KIF16B: variants seen among roughly 807,000 people sequenced by gnomAD.
KIF16B encodes kinesin family member 16B.
A neutral mutation model predicts 156.3 loss-of-function variants in KIF16B; 98 were observed. That is an observed-to-expected ratio of 0.63 (90% CI 0.53 to 0.74). The LOEUF is 0.74. Ranked by LOEUF, KIF16B falls within the 30% of genes least tolerant of loss-of-function variation. The probability of loss-of-function intolerance (pLI) is 0.00; values close to 1 mark genes in which losing one functional copy is unlikely to be tolerated. For synonymous variants in KIF16B, 564 were observed against 583.7 expected, an observed-to-expected ratio of 0.97 and a Z score of 0.49; for missense variants, 1,421 against 1,606.5, an observed-to-expected ratio of 0.88 and a Z score of 1.97.
At chr20:16,315,469 G>A (rs1007970301) in intron 24 of KIF16B, among the ~76,000 whole-genome samples, 6 of 152,214 alleles carry the variant, frequency 3.9e-5, no homozygotes, top group Non-Finnish European at 8.8e-5. Context: ...AGCGTCTGCA[G>A]TGCATGAAAG....
intron 12 of KIF16B, among the ~76,000 whole-genome samples, chr20:16,432,280 T>A (rs1404225020): frequency 6.6e-6 from 1 of 152,070 alleles, no homozygotes; most frequent in East Asian, 1.9e-4. Flanking sequence ...GAGCATGACA[T>A]TGTGCTCCAT....
intron 17 of KIF16B, among the ~76,000 whole-genome samples, chr20:16,396,635 T>C (rs2065509471): frequency 6.7e-6 from 1 of 148,792 alleles, no homozygotes. Flanking sequence ...TGGTAACATG[T>C]TAACTGTAGT....
chr20:16,361,212 G>C (rs980878126), intron 22 of KIF16B, among the ~76,000 whole-genome samples: 2 of 152,004 alleles, frequency 1.3e-5, no homozygotes, highest in African/African-American at 4.8e-5. Flanking sequence ...GTTCTAATTA[G>C]AGCTATTATG....
chr20:16,297,044 T>C (rs1019084932), intron 25 of KIF16B, among the ~76,000 whole-genome samples: 2 of 152,264 alleles, frequency 1.3e-5, no homozygotes, highest in Non-Finnish European at 2.9e-5. Context: ...CCATCAGTTC[T>C]TCTTGGGACT....
intron 15 of KIF16B, among the ~76,000 whole-genome samples, chr20:16,409,229 T>G (rs760838724): frequency 4.6e-5 from 7 of 151,978 alleles, no homozygotes; most frequent in Non-Finnish European, 5.9e-5. Context: ...GGAGAGTGTC[T>G]TGCATAAAAG....
intron 12 of KIF16B, among the ~76,000 whole-genome samples, chr20:16,435,794 A>ATTC (rs1293039921): frequency 1.3e-5 from 2 of 152,110 alleles, no homozygotes; most frequent in Non-Finnish European, 2.9e-5. Context: ...AGTGGGGTCT[A>ATTC]TTCTTTTCCT....
chr20:16,347,256 A>T (rs1420772521), intron 23 of KIF16B, among the ~76,000 whole-genome samples: 1 of 152,242 alleles, frequency 6.6e-6, no homozygotes, highest in African/African-American at 2.4e-5. Context: ...GCAAAAGGGA[A>T]AGTTCAAACG....
At chr20:16,319,386 A>G (rs866140102) in intron 24 of KIF16B, among the ~76,000 whole-genome samples, 6 of 152,208 alleles carry the variant, frequency 3.9e-5, no homozygotes, top group Non-Finnish European at 7.3e-5. Context: ...GTATTCTAAA[A>G]TAGGACTTCT....
intron 12 of KIF16B, among the ~76,000 whole-genome samples, chr20:16,440,533 GCACACACACACACACACACACACACACA>G (rs71192333): frequency 0.13 from 18,141 of 138,310 alleles, 1,233 homozygotes; most frequent in Non-Finnish European, 0.17. Flanking sequence ...ACAAGCGCGC[GCACACACACACACACACACACACACACA>G]CACACACACA....
In KIF16B at chr20:16,465,774, A is replaced by G. The variant is rs73898771; in HGVS notation, c.1302+28517T>C. ...TCTATCTCTCCTCTCACTTAAAAAA[A>G]AAAAAATTATATGTGGAATTCTTAG... is the stretch of plus-strand genomic sequence containing the variant. On this transcript the variant is annotated intron_variant, in intron 12 of 25. Coordinates refer to ENST00000354981, the MANE Select transcript of KIF16B (RefSeq NM_024704.5). Among the ~76,000 whole-genome samples, 1,288 of 152,268 alleles carry G rather than the reference A, an allele frequency of 8.5e-3. 9 individuals carry two copies. Among genetic ancestry groups the G allele is most frequent in the East Asian group, 0.023 (118 of 5,180 alleles).
chr20:16,513,607 C>G (rs1036675097), intron 4 of KIF16B, among the ~76,000 whole-genome samples: 1 of 147,502 alleles, frequency 6.8e-6, no homozygotes, highest in Non-Finnish European at 1.5e-5. Context: ...TTGCAGTGAG[C>G]CAAGATTGCG....
intron 22 of KIF16B, among the ~76,000 whole-genome samples, chr20:16,365,090 T>C (rs1039348250): frequency 6.6e-6 from 1 of 152,256 alleles, no homozygotes; most frequent in Non-Finnish European, 1.5e-5. Context: ...CCCTTCATAA[T>C]CATTAATTGT....
intron 1 of KIF16B, among the ~76,000 whole-genome samples, chr20:16,550,745 G>A (rs369574229): frequency 6.6e-6 from 1 of 151,730 alleles, no homozygotes; most frequent in South Asian, 2.1e-4. Context: ...ACATTGCTCA[G>A]GCTGGACTCA....
At chr20:16,285,164 A>G (rs1306614570) in intron 25 of KIF16B, among the ~76,000 whole-genome samples, 2 of 152,204 alleles carry the variant, frequency 1.3e-5, no homozygotes, top group Admixed American at 1.3e-4. Flanking sequence ...GCAACATGTG[A>G]CTGGTGGCTA....
At chr20:16,473,387 C>T (rs766987663) in intron 12 of KIF16B, among the ~76,000 whole-genome samples, 1 of 152,202 alleles carries the variant, frequency 6.6e-6, no homozygotes, top group Non-Finnish European at 1.5e-5. Flanking sequence ...AAAACAGTCC[C>T]TCAACAAACA....
intron 12 of KIF16B, among the ~76,000 whole-genome samples, chr20:16,445,088 G>A (rs1301103695): frequency 3.3e-5 from 5 of 152,092 alleles, no homozygotes; most frequent in Admixed American, 3.3e-4. Flanking sequence ...TATAGTCCTA[G>A]CTACTCAGCA....
chr20:16,416,780 A>G (rs2066100937), intron 15 of KIF16B, among the ~76,000 whole-genome samples: 1 of 151,776 alleles, frequency 6.6e-6, no homozygotes, highest in Non-Finnish European at 1.5e-5. Flanking sequence ...GATTGGAAGC[A>G]CCACTGAACT....
intron 12 of KIF16B, among the ~76,000 whole-genome samples, chr20:16,492,537 CTT>C (rs1454753093): frequency 6.6e-6 from 1 of 152,040 alleles, no homozygotes; most frequent in Non-Finnish European, 1.5e-5. Context: ...AATAGTTAGA[CTT>C]ATTTTTTAAA....
intron 12 of KIF16B, among the ~76,000 whole-genome samples, chr20:16,430,849 G>GTATATGTA (rs2066479026): frequency 1.4e-5 from 2 of 147,136 alleles, no homozygotes; most frequent in African/African-American, 5.0e-5. Flanking sequence ...GTGTGTGTAT[G>GTATATGTA]TATATATATA....
Sources: allele counts gnomAD v4.1 joint callset (sites outside exome capture counted in the v4.1 genomes callset), GRCh38; gene constraint gnomAD v4.1.1; transcripts MANE v1.5; gene names NCBI Gene and HGNC (gene_info 2026-07-23, HGNC 2026-07-21).